The following MPP1 variants were observed in gnomAD, a reference collection of about 807,000 sequenced individuals.
MPP1 encodes the protein 55 kDa erythrocyte membrane protein.
Under a neutral mutation model 38.2 loss-of-function variants are expected in MPP1, and 6 were observed. The observed-to-expected ratio is 0.16, with a 90% CI of 0.09 to 0.31. MPP1 has a LOEUF of 0.31. Among genes scored for constraint, MPP1 ranks in the 10% least tolerant of loss-of-function variants. MPP1 has a pLI of 1.00. For synonymous variants in MPP1, 153 were observed against 146.3 expected, an observed-to-expected ratio of 1.05 and a Z score of -0.33; for missense variants, 293 against 368.9, an observed-to-expected ratio of 0.79 and a Z score of 1.69.
At chrX:154,805,128 C>T (rs2072306319) in intron 1 of MPP1, 144 bp downstream of exon 1, 2 of 576,853 alleles carry the variant, frequency 3.5e-6, no homozygotes, top group South Asian at 5.9e-5. Context: ...CTTGTCCTCA[C>T]CCCGCCGGCT....
At chrX:154,783,686 A>G in intron 8 of MPP1, 179 bp from the exon 9 acceptor site, 2 of 443,737 alleles carry the variant, frequency 4.5e-6, no homozygotes, top group East Asian at 3.8e-5. Context: ...CAAAGCCTAC[A>G]TACCTGGGTT....
Position 154,783,540 on chromosome X carries a change from G to C in MPP1, c.866-33C>G, listed in dbSNP as rs782222718. Reference sequence around the variant, plus strand: ...GAGAGAGAAGAACATCTTTTGGAAAGGGGGGAGAGGAGCGAGGATAAGATA... The same window carrying C: ...GAGAGAGAAGAACATCTTTTGGAAACGGGGGAGAGGAGCGAGGATAAGATA... On this transcript the variant is annotated intron_variant, in intron 8 of 11. Coordinates refer to ENST00000369534, the MANE Select transcript of MPP1 (RefSeq NM_002436.4). 9.9e-6 allele frequency: 11 copies of C among 1,108,607 alleles called. No individual in the cohort carries two copies. The African/African-American group carries it at 1.3e-4, about 13-fold the overall frequency. 91.4% of individuals were successfully genotyped at this position (1,108,607 alleles called of 1,213,427 possible). A position where few individuals can be genotyped will look rare whatever the true frequency, so the allele number is the denominator to read the frequency against.
At position 154,783,442 on chromosome X, in the gene MPP1, C is replaced by G. The variant is rs1402699708; in HGVS notation, c.931G>C (p.Val311Leu). The change falls in exon 9 of 12, where the codon GTG (valine) becomes CTG (leucine). Residue 311 changes from valine (V) to leucine (L), a missense_variant. Val to Leu is a conservative substitution (Grantham distance 32, BLOSUM62 1). Coordinates refer to ENST00000369534, the MANE Select transcript of MPP1 (RefSeq NM_002436.4). ...ALLSQNPEKF[V>L]YPVPYTTRPP... ...AGCTACTTACATGGGACAGGGTACA[C>G]AAACTTCTCCGGATTCTGGCTGAGC... The G allele has an allele frequency of 8.3e-7, 1 of 1,208,143 alleles. No individual in the cohort carries two copies. Among genetic ancestry groups the G allele is most frequent in the Non-Finnish European group, 1.1e-6 (1 of 894,350 alleles).
At chrX:154,792,870 A>G (rs1461024099) in intron 1 of MPP1, among the ~76,000 whole-genome samples, 1 of 111,575 alleles carries the variant, frequency 9.0e-6, no homozygotes, top group African/African-American at 3.3e-5. Context: ...AACCGCGGTG[A>G]TAACAATAAT....
At chrX:154,798,384 C>T (rs2072220327) in intron 1 of MPP1, among the ~76,000 whole-genome samples, 1 of 112,317 alleles carries the variant, frequency 8.9e-6, no homozygotes, top group African/African-American at 3.2e-5. Flanking sequence ...TACAGGTGAA[C>T]AGTTAAAGCG....
At chrX:154,798,508 T>C (rs2072221829) in intron 1 of MPP1, among the ~76,000 whole-genome samples, 1 of 112,263 alleles carries the variant, frequency 8.9e-6, no homozygotes, top group South Asian at 3.6e-4. Flanking sequence ...AGAAAGCTAA[T>C]CTATTTCAAA....
At chrX:154,801,557 G>C (rs1479818017) in intron 1 of MPP1, among the ~76,000 whole-genome samples, 1 of 109,255 alleles carries the variant, frequency 9.2e-6, no homozygotes, top group Non-Finnish European at 1.9e-5. Context: ...TCAGGAGTTC[G>C]AGACCAGCCC....
At chrX:154,788,042 A>G (rs2072098456) in intron 5 of MPP1, among the ~76,000 whole-genome samples, 2 of 112,923 alleles carry the variant, frequency 1.8e-5, no homozygotes, top group Non-Finnish European at 3.7e-5. Context: ...AATGTATATA[A>G]CAATCAATCC....
rs991494122 is a variant in MPP1, at chrX:154,797,300, C to T, written c.103-5015G>A. Among the ~76,000 whole-genome samples, 3 of 111,616 alleles carry T rather than the reference C, an allele frequency of 2.7e-5. No homozygotes were observed. The South Asian group carries it at 1.1e-3, about 42-fold the overall frequency. ...TCTCATACACGAGTGCTTTCACTCA[C>T]TTGGTCCATGTAGGTTACACTAAAA... On this transcript the variant is annotated intron_variant, in intron 1 of 11. Coordinates refer to ENST00000369534, the MANE Select transcript of MPP1 (RefSeq NM_002436.4).
chrX:154,792,032 G>A (rs980737292), intron 2 of MPP1, 110 bp downstream of exon 2: 8 of 1,078,158 alleles, frequency 7.4e-6, no homozygotes, highest in Non-Finnish European at 1.0e-5. Context: ...GACAATTTTG[G>A]GGTTGGCCAA....
Position 154,783,592 on chromosome X carries a change from A to G in MPP1, c.866-85T>C, listed in dbSNP as rs782135483. 35 of 799,322 alleles carry G rather than the reference A, an allele frequency of 4.4e-5. No homozygotes were observed. In the Admixed American group the frequency reaches 9.1e-4, roughly 21 times the overall value. The allele number at this position is 799,322 out of a possible 1,213,427, so 65.9% of individuals were successfully genotyped here. A position where few individuals can be genotyped will look rare whatever the true frequency, so the allele number is the denominator to read the frequency against. On this transcript the variant is annotated intron_variant, in intron 8 of 11. Coordinates refer to ENST00000369534, the MANE Select transcript of MPP1 (RefSeq NM_002436.4). ...GGATTTTCCTCTCTCGGCACTCAAA[A>G]CTGCCAACAGGTGAACATGAGTTGG...
At position 154,784,104 on chromosome X, in the gene MPP1, A is replaced by G; in HGVS notation, c.789T>C (p.Phe263=). ...DKYLAKHSSI[F]DQLDVVSYEE... is the part of the protein sequence containing the mutation. Reference sequence around the variant, plus strand: ...CGTAGGAAACAACATCCAACTGATCAAAAACTAGAGACAAAGAAAACCAAG... The same window carrying G: ...CGTAGGAAACAACATCCAACTGATCGAAAACTAGAGACAAAGAAAACCAAG... Residue 263 remains phenylalanine, a synonymous_variant, in exon 8 of 12, where the codon TTT becomes TTC. Transcript: ENST00000369534. 8.3e-7 allele frequency: 1 copy of G among 1,205,382 alleles called. No individual in the cohort carries two copies. Among genetic ancestry groups the G allele is most frequent in the Non-Finnish European group, 1.1e-6 (1 of 890,994 alleles).
At chrX:154,802,966 C>T (rs180935227) in intron 1 of MPP1, among the ~76,000 whole-genome samples, 1 of 112,536 alleles carries the variant, frequency 8.9e-6, no homozygotes, top group East Asian at 2.8e-4. Context: ...AACTTTCTGA[C>T]TGCTACTACT....
chrX:154,792,802 C>A (rs1246701917), intron 1 of MPP1, among the ~76,000 whole-genome samples: 1 of 111,064 alleles, frequency 9.0e-6, no homozygotes, highest in Non-Finnish European at 1.9e-5. Context: ...TCATGAATCA[C>A]CCCTTAGGCT....
At chrX:154,787,785 A>G (rs1461342581) in intron 5 of MPP1, among the ~76,000 whole-genome samples, 1 of 112,364 alleles carries the variant, frequency 8.9e-6, no homozygotes, top group Non-Finnish European at 1.9e-5. Context: ...TTTCCCTTTA[A>G]GATGGAAAAA....
intron 11 of MPP1, among the ~76,000 whole-genome samples, 157 bp downstream of exon 11, chrX:154,781,082 C>A (rs1348114160): frequency 2.7e-5 from 3 of 111,824 alleles, no homozygotes; most frequent in Non-Finnish European, 5.6e-5. Context: ...AGAGCTGGAA[C>A]GAATGTGCAT....
At chrX:154,794,945 T>G (rs2072178976) in intron 1 of MPP1, among the ~76,000 whole-genome samples, 1 of 111,116 alleles carries the variant, frequency 9.0e-6, no homozygotes, top group Non-Finnish European at 1.9e-5. Context: ...CTGTAAGAAA[T>G]TTTAAAATTA....
rs1229118079 is a variant in MPP1 at position 154,805,263 on chromosome X, C to G, written c.102+9G>C. The G allele has an allele frequency of 8.4e-7, 1 of 1,192,829 alleles. No individual in the cohort carries two copies. Among genetic ancestry groups the G allele is most frequent in the African/African-American group, 1.7e-5 (1 of 57,512 alleles). On this transcript the variant is annotated intron_variant, in intron 1 of 11. Coordinates refer to ENST00000369534, the MANE Select transcript of MPP1 (RefSeq NM_002436.4). The stretch of plus-strand genomic sequence containing the variant: ...CCCAGCGCCCTTGGGACTAGCGGGG[C>G]CCGCTCACCTCTGGCCGACTACGCT...
chrX:154,791,907 G>GA, intron 2 of MPP1, 60 bp from the exon 3 acceptor site: 3 of 1,094,936 alleles, frequency 2.7e-6, no homozygotes, highest in Non-Finnish European at 3.8e-6. Flanking sequence ...GGTTATTTTA[G>GA]AAAGAACTTA....
Sources: gnomAD v4.1 joint callset for allele counts (sites outside exome capture counted in the v4.1 genomes callset) on GRCh38, gnomAD v4.1.1 for gene constraint, MANE v1.5 for transcripts, NCBI Gene and HGNC (gene_info 2026-07-23, HGNC 2026-07-21) for gene names.